The following ZFTA variants were observed in gnomAD, a reference collection of about 807,000 sequenced individuals.
ZFTA encodes the protein zinc finger translocation-associated protein.
ZFTA carries 35 observed loss-of-function variants against 41.8 expected under a neutral mutation model. The ratio of observed to expected loss-of-function variants is 0.84; its 90% CI spans 0.64 to 1.11. ZFTA has a LOEUF of 1.11. ZFTA is among the 50% of genes most tolerant of loss of function. ZFTA has a pLI of 0.00. For missense variants in ZFTA, 964 were observed against 989.8 expected, an observed-to-expected ratio of 0.97 and a Z score of 0.35; for synonymous variants, 514 against 436.4, an observed-to-expected ratio of 1.18 and a Z score of -2.22.
Position 63,762,533 on chromosome 11 carries a change from G to A in ZFTA, c.*885C>T, listed in dbSNP as rs2014660845. On this transcript the variant is annotated 3_prime_UTR_variant, in exon 5 of 5. Coordinates refer to ENST00000433688, the MANE Select transcript of ZFTA (RefSeq NM_001144936.2). ...ACGCCGCATCCACCGCGGACAAAGG[G>A]GGATGGGGATGGGGCGGGAATCGAA... 2 of 152,322 alleles carry A rather than the reference G, an allele frequency of 1.3e-5. No homozygotes were observed. Among genetic ancestry groups the A allele is most frequent in the Admixed American group, 1.3e-4 (2 of 15,294 alleles). The allele number at this position is 152,322 out of a possible 1,614,324, so 9.4% of individuals were successfully genotyped here. A position where few individuals can be genotyped will look rare whatever the true frequency, so the allele number is the denominator to read the frequency against.
At position 63,764,293 on chromosome 11, in the gene ZFTA, C is replaced by T; in HGVS notation, c.1330G>A (p.Gly444Ser). The T allele has an allele frequency of 7.0e-7, 1 of 1,420,648 alleles. No individual in the cohort carries two copies. The highest frequency in any genetic ancestry group is 9.1e-7 in the Non-Finnish European group (1 of 1,093,714). The allele number at this position is 1,420,648 out of a possible 1,614,324, so 88.0% of individuals were successfully genotyped here. ...RRGLVCGVCG[G>S]ALASLKMSTI... Reference sequence around the variant, plus strand: ...CTCATCTTGAGCGAGGCCAGCGCGCCCCCGCACACCCCGCACACCAGGCCG... The same window carrying T: ...CTCATCTTGAGCGAGGCCAGCGCGCTCCCGCACACCCCGCACACCAGGCCG... Residue 444 changes from glycine (G) to serine (S), a missense_variant, in exon 4 of 5, where the codon GGC (glycine) becomes AGC (serine). Gly to Ser is a moderately conservative substitution (Grantham distance 56). Coordinates refer to ENST00000433688, the MANE Select transcript of ZFTA (RefSeq NM_001144936.2).
In ZFTA at chr11:63,765,271, G is replaced by A. The variant is rs2014728048; in HGVS notation, c.638-17C>T. On this transcript the variant is annotated splice_polypyrimidine_tract_variant and intron_variant, in intron 2 of 4. Transcript: ENST00000433688. The surrounding 1 kb of genome is among the most constrained non-coding windows in gnomAD (Gnocchi z 4.0). ...GGGCTTTGCCTGAAAGGGTTGGAGG[G>A]AAGGAACTGAGACGCTGGCCCCACG... is the stretch of plus-strand genomic sequence containing the variant. 1.4e-6 allele frequency: 2 copies of A among 1,439,160 alleles called. No homozygotes were observed. The highest frequency in any genetic ancestry group is 1.8e-6 in the Non-Finnish European group (2 of 1,103,580). 89.1% of individuals were successfully genotyped at this position (1,439,160 alleles called of 1,614,324 possible). A position where few individuals can be genotyped will look rare whatever the true frequency, so the allele number is the denominator to read the frequency against.
In ZFTA at chr11:63,764,040, C is replaced by A; in HGVS notation, c.1583G>T (p.Trp528Leu). The change falls in exon 4 of 5, where the codon TGG becomes TTG. Residue 528 changes from tryptophan to leucine, a missense_variant and splice_region_variant. Physicochemically the swap from Trp to Leu is moderately conservative, Grantham distance 61. Transcript: ENST00000433688. ...EEEPEEEEEE[W>L]GDVPLSPGAP... is the part of the protein sequence containing the mutation. ...CCTGCTCTGGCCCCACCGCTCACCC[C>A]ACTCCTCCTCCTCCTCCTCTGGCTC... The A allele has an allele frequency of 1.4e-5, 18 of 1,330,302 alleles. No individual in the cohort carries two copies. The highest frequency in any genetic ancestry group is 1.7e-5 in the Non-Finnish European group (18 of 1,037,176). 82.4% of individuals were successfully genotyped at this position (1,330,302 alleles called of 1,614,324 possible).
Position 63,765,169 on chromosome 11 carries a change from G to A in ZFTA, c.723C>T (p.Ala241=). Residue 241 remains alanine (A), a synonymous_variant, in exon 3 of 5, where the codon GCC becomes GCT. Coordinates refer to ENST00000433688, the MANE Select transcript of ZFTA (RefSeq NM_001144936.2). This position sits in a 1 kb window ranked among gnomAD's most constrained non-coding sequence, Gnocchi z 4.0. ...APRARRLRLS[A]SRRAGGSRGL... ...CCCTGCTGCCCCCGGCCCTCCGGGA[G>A]GCTGAGAGGCGCAGACGCCGAGCCC... 1 of 1,541,976 alleles carries A rather than the reference G, an allele frequency of 6.5e-7. No homozygotes were observed. The highest frequency in any genetic ancestry group is 8.7e-7 in the Non-Finnish European group (1 of 1,144,262).
At position 63,768,600 on chromosome 11, in the gene ZFTA, C is replaced by T. The variant is rs1205048959; in HGVS notation, c.23G>A (p.Arg8Gln). ...GCCCCTGCCGCCGCTGCTCCGGCTCCGGTGGTCCCCGCCGGGCTCCATGCG... is the reference window on the plus strand; with the variant it reads ...GCCCCTGCCGCCGCTGCTCCGGCTCTGGTGGTCCCCGCCGGGCTCCATGCG... MEPGGDH[R>Q]SRSSGGRGGP... The change falls in exon 1 of 5, where the codon CGG becomes CAG. Residue 8 changes from arginine (R) to glutamine (Q), a missense_variant. Physicochemically the swap from Arg to Gln is conservative, Grantham distance 43. Coordinates refer to ENST00000433688, the MANE Select transcript of ZFTA (RefSeq NM_001144936.2). 2.9e-6 allele frequency: 3 copies of T among 1,025,382 alleles called. No individual in the cohort carries two copies. Among genetic ancestry groups the T allele is most frequent in the African/African-American group, 3.5e-5 (2 of 57,306 alleles). The allele number at this position is 1,025,382 out of a possible 1,614,324, so 63.5% of individuals were successfully genotyped here.
intron 1 of ZFTA, among the ~76,000 whole-genome samples, chr11:63,768,058 G>C (rs1406173595): frequency 6.6e-6 from 1 of 152,168 alleles, no homozygotes; most frequent in African/African-American, 2.4e-5. Context: ...GCTGAGCTCA[G>C]CTCCGCTGGG....
At position 63,763,800 on chromosome 11, in the gene ZFTA, CCGTCCTCTT is replaced by C. The variant is rs1488820990; in HGVS notation, c.1646_1654del (p.Glu549_Asp551del). On this transcript the variant is annotated inframe_deletion, in exon 5 of 5. Coordinates refer to ENST00000433688, the MANE Select transcript of ZFTA (RefSeq NM_001144936.2). Reference sequence around the variant, plus strand: ...CAAGGCGAGTCCCCCAGGCTCCTGGCCGTCCTCTTCGTCCTCCTCTTCTTCGGCGGGCCG... The same window carrying C: ...CAAGGCGAGTCCCCCAGGCTCCTGGCCGTCCTCCTCTTCTTCGGCGGGCCG... 1 of 1,452,914 alleles carries C rather than the reference CCGTCCTCTT, an allele frequency of 6.9e-7. No individual in the cohort carries two copies. Among genetic ancestry groups the C allele is most frequent in the Non-Finnish European group, 9.0e-7 (1 of 1,105,546 alleles). 90.0% of individuals were successfully genotyped at this position (1,452,914 alleles called of 1,614,324 possible). A position where few individuals can be genotyped will look rare whatever the true frequency, so the allele number is the denominator to read the frequency against.
In ZFTA at chr11:63,766,301, T is replaced by C; in HGVS notation, c.143A>G (p.Gln48Arg). 1 of 1,437,204 alleles carries C rather than the reference T, an allele frequency of 7.0e-7. No individual in the cohort carries two copies. The highest frequency in any genetic ancestry group is 1.5e-5 in the South Asian group (1 of 67,712). The allele number at this position is 1,437,204 out of a possible 1,614,324, so 89.0% of individuals were successfully genotyped here. A position where few individuals can be genotyped will look rare whatever the true frequency, so the allele number is the denominator to read the frequency against. ...SAEPEEDEGG[Q>R]DLQLEGGALG... ...GGCACCCCCTTCCAGCTGAAGATCTTGCCCTGAAGAAGGGGAAAGGGAGAC... is the reference window on the plus strand; with the variant it reads ...GGCACCCCCTTCCAGCTGAAGATCTCGCCCTGAAGAAGGGGAAAGGGAGAC... Residue 48 changes from glutamine to arginine, a missense_variant, in exon 2 of 5, where the codon CAA becomes CGA. Around this residue, in one of 5 missense-constraint regions of ZFTA, gnomAD observed 111 missense variants for 93.2 expected, o/e 1.19. Coordinates refer to ENST00000433688, the MANE Select transcript of ZFTA (RefSeq NM_001144936.2).
chr11:63,768,462 G>T, intron 1 of ZFTA, 22 bp downstream of exon 1: 2 of 1,113,160 alleles, frequency 1.8e-6, no homozygotes, highest in South Asian at 5.2e-5. Context: ...CCCCCGCCCG[G>T]GCCGCCGGCC....
chr11:63,765,201 C>G lies in ZFTA; in HGVS notation c.691G>C (p.Ala231Pro), dbSNP rs1244049695. The change falls in exon 3 of 5, where the codon GCA (alanine) becomes CCA (proline). Residue 231 changes from alanine to proline, a missense_variant. Coordinates refer to ENST00000433688, the MANE Select transcript of ZFTA (RefSeq NM_001144936.2). This position sits in a 1 kb window ranked among gnomAD's most constrained non-coding sequence, Gnocchi z 4.0. The stretch of plus-strand genomic sequence containing the variant: ...AGGCGCAGACGCCGAGCCCGGGGTG[C>G]CACTGGGCCCCCTCGCCGCTGGCGC... Reference protein sequence around the residue: ...CRRQRRGGPVAPRARRLRLSA... With the variant: ...CRRQRRGGPVPPRARRLRLSA... The G allele has an allele frequency of 1.3e-6, 2 of 1,487,476 alleles. No homozygotes were observed. Among genetic ancestry groups the G allele is most frequent in the African/African-American group, 1.4e-5 (1 of 69,746 alleles). The allele number at this position is 1,487,476 out of a possible 1,614,324, so 92.1% of individuals were successfully genotyped here. A position where few individuals can be genotyped will look rare whatever the true frequency, so the allele number is the denominator to read the frequency against.
chr11:63,764,923 C>T lies in ZFTA; in HGVS notation c.969G>A (p.Leu323=), dbSNP rs766804433. Residue 323 remains leucine, a synonymous_variant, in exon 3 of 5, where the codon CTG becomes CTA. Coordinates refer to ENST00000433688, the MANE Select transcript of ZFTA (RefSeq NM_001144936.2). ...GLSGPQRSAL[L]QAWGGQPEAL... ...CCTCGGGCTGGCCCCCCCAGGCCTG[C>T]AGCAGGGCACTGCGCTGGGGGCCGC... The T allele has an allele frequency of 1.3e-6, 2 of 1,542,536 alleles. No homozygotes were observed. Among genetic ancestry groups the T allele is most frequent in the South Asian group, 2.4e-5 (2 of 83,478 alleles).
rs531115666 is a variant in ZFTA at position 63,760,808 on chromosome 11, C to A, written c.*2610G>T. 1 of 152,222 alleles carries A rather than the reference C, an allele frequency of 6.6e-6. No individual in the cohort carries two copies. The highest frequency in any genetic ancestry group is 6.5e-5 in the Admixed American group (1 of 15,288). The allele number at this position is 152,222 out of a possible 1,614,324, so 9.4% of individuals were successfully genotyped here. ...CTAGGCCCCAACCAAGTTTCTGATT[C>A]AGTAACCCTGGGGTATGGCCCAAGA... On this transcript the variant is annotated 3_prime_UTR_variant, in exon 5 of 5. Transcript: ENST00000433688.
chr11:63,764,271 A>T lies in ZFTA; in HGVS notation c.1352T>A (p.Met451Lys). 6.8e-7 allele frequency: 1 copy of T among 1,461,432 alleles called. No individual in the cohort carries two copies. The highest frequency in any genetic ancestry group is 9.0e-7 in the Non-Finnish European group (1 of 1,114,308). The allele number at this position is 1,461,432 out of a possible 1,614,324, so 90.5% of individuals were successfully genotyped here. A position where few individuals can be genotyped will look rare whatever the true frequency, so the allele number is the denominator to read the frequency against. The change falls in exon 4 of 5, where the codon ATG becomes AAG. Residue 451 changes from methionine to lysine, a missense_variant. Met to Lys is a moderately conservative substitution (Grantham distance 95). This residue lies in a region of ZFTA where 584 missense variants were observed against 523.1 expected (regional missense o/e 1.12). Coordinates refer to ENST00000433688, the MANE Select transcript of ZFTA (RefSeq NM_001144936.2). ...VCGGALASLK[M>K]STIERHIRRR... ...GCGGATGTGGCGCTCGATGGTGCTCATCTTGAGCGAGGCCAGCGCGCCCCC... is the reference window on the plus strand; with the variant it reads ...GCGGATGTGGCGCTCGATGGTGCTCTTCTTGAGCGAGGCCAGCGCGCCCCC...
Position 63,763,737 on chromosome 11 carries a change from C to T in ZFTA, c.1718G>A (p.Arg573His). The change falls in exon 5 of 5, where the codon CGC (arginine) becomes CAC (histidine). Residue 573 changes from arginine to histidine, a missense_variant. By Grantham distance (29) the Arg-to-His change is conservative. Coordinates refer to ENST00000433688, the MANE Select transcript of ZFTA (RefSeq NM_001144936.2). ...GTAGTTCCGCCGCTGCTCCCGGCTGCGGGGCGGGGGCGGAGGCGGGGGAGG... is the reference window on the plus strand; with the variant it reads ...GTAGTTCCGCCGCTGCTCCCGGCTGTGGGGCGGGGGCGGAGGCGGGGGAGG... ...PPPPPPPPPP[R>H]SREQRRNYQP... 2.7e-6 allele frequency: 4 copies of T among 1,503,612 alleles called. No individual in the cohort carries two copies. Among genetic ancestry groups the T allele is most frequent in the South Asian group, 1.3e-5 (1 of 78,334 alleles). 93.1% of individuals were successfully genotyped at this position (1,503,612 alleles called of 1,614,324 possible). A position where few individuals can be genotyped will look rare whatever the true frequency, so the allele number is the denominator to read the frequency against.
Position 63,764,571 on chromosome 11 carries a change from G to C in ZFTA, c.1052C>G (p.Thr351Ser). The C allele has an allele frequency of 8.0e-7, 1 of 1,254,012 alleles. No homozygotes were observed. The highest frequency in any genetic ancestry group is 1.0e-6 in the Non-Finnish European group (1 of 995,280). 77.7% of individuals were successfully genotyped at this position (1,254,012 alleles called of 1,614,324 possible). ...PGDDLAPQDLTGKSRDSASAA... is the reference protein window; with the variant it reads ...PGDDLAPQDLSGKSRDSASAA... ...GGAGGCCGAGTCCCGGCTCTTTCCG[G>C]TCAGGTCCTGGGGGGCGAGGTCATC... is the stretch of plus-strand genomic sequence containing the variant. The change falls in exon 4 of 5, where the codon ACC (threonine) becomes AGC (serine). Residue 351 changes from threonine (T) to serine (S), a missense_variant. Transcript: ENST00000433688.
chr11:63,764,322 C>A lies in ZFTA; in HGVS notation c.1301G>T (p.Arg434Leu). The A allele has an allele frequency of 7.2e-7, 1 of 1,379,540 alleles. No individual in the cohort carries two copies. Among genetic ancestry groups the A allele is most frequent in the Non-Finnish European group, 9.3e-7 (1 of 1,071,906 alleles). 85.5% of individuals were successfully genotyped at this position (1,379,540 alleles called of 1,614,324 possible). A position where few individuals can be genotyped will look rare whatever the true frequency, so the allele number is the denominator to read the frequency against. ...GCACACCCCGCACACCAGGCCGCGC[C>A]GGCCGCCGTCCAACTCCATGAGGTA... ...LEYLMELDGG[R>L]RGLVCGVCGG... Residue 434 changes from arginine to leucine, a missense_variant, in exon 4 of 5, where the codon CGG (arginine) becomes CTG (leucine). By Grantham distance (102) the Arg-to-Leu change is moderately radical. Around this residue, in one of 5 missense-constraint regions of ZFTA, gnomAD observed 584 missense variants for 523.1 expected, o/e 1.12. Transcript: ENST00000433688.
At chr11:63,763,919 G>A in intron 4 of ZFTA, 50 bp from the exon 5 acceptor site, 2 of 1,395,322 alleles carry the variant, frequency 1.4e-6, no homozygotes, top group Non-Finnish European at 1.9e-6. Flanking sequence ...GCAGCGGGCT[G>A]GGCCCCGCGT....
At position 63,766,250 on chromosome 11, in the gene ZFTA, A is replaced by AG; in HGVS notation, c.193dup (p.Leu65ProfsTer21). On this transcript the variant is annotated frameshift_variant, in exon 2 of 5. Coordinates refer to ENST00000433688, the MANE Select transcript of ZFTA (RefSeq NM_001144936.2). LOFTEE classifies it high-confidence loss of function. Reference sequence around the variant, plus strand: ...TGGTCCCCTGGCCCTGGAGGAGGGCAGGGGGGCACTCCCCCAGGACCCCAA... The same window carrying AG: ...TGGTCCCCTGGCCCTGGAGGAGGGCAGGGGGGGCACTCCCCCAGGACCCCAA... 6.6e-7 allele frequency: 1 copy of AG among 1,522,966 alleles called. No homozygotes were observed. Among genetic ancestry groups the AG allele is most frequent in the South Asian group, 1.2e-5 (1 of 80,806 alleles). The allele number at this position is 1,522,966 out of a possible 1,614,324, so 94.3% of individuals were successfully genotyped here.
In ZFTA at chr11:63,760,887, T is replaced by C. The variant is rs1402728528; in HGVS notation, c.*2531A>G. 6.6e-6 allele frequency: 1 copy of C among 152,332 alleles called. No homozygotes were observed. Among genetic ancestry groups the C allele is most frequent in the Admixed American group, 6.5e-5 (1 of 15,300 alleles). 9.4% of individuals were successfully genotyped at this position (152,332 alleles called of 1,614,324 possible). A position where few individuals can be genotyped will look rare whatever the true frequency, so the allele number is the denominator to read the frequency against. On this transcript the variant is annotated 3_prime_UTR_variant, in exon 5 of 5. Coordinates refer to ENST00000433688, the MANE Select transcript of ZFTA (RefSeq NM_001144936.2). ...GATGCTGCTGGTCTCAGGGACACAC[T>C]TTGAGAGCCACTGGTGTGTTTGGGG...
Sources: gnomAD v4.1 joint callset for allele counts (sites outside exome capture counted in the v4.1 genomes callset) on GRCh38, gnomAD v4.1.1 for gene constraint, gnomAD v4.1.1 regional missense constraint, Gnocchi (gnomAD v3.1) non-coding constraint, MANE v1.5 for transcripts, NCBI Gene and HGNC (gene_info 2026-07-23, HGNC 2026-07-21) for gene names.